CAP2: variants seen among roughly 807,000 people sequenced by gnomAD.
CAP2 encodes cyclase associated actin cytoskeleton regulatory protein 2.
In CAP2, 24 loss-of-function variants were observed where a neutral mutation model predicts 57.7. The observed-to-expected ratio is 0.42, with a 90% confidence interval of 0.30 to 0.58. CAP2 has a LOEUF of 0.58. CAP2 is among the 20% of genes least tolerant of loss of function. The pLI, the probability that CAP2 is intolerant of heterozygous loss-of-function variation, is 0.22. For synonymous variants in CAP2, 194 were observed against 207.2 expected, an observed-to-expected ratio of 0.94 and a Z score of 0.55; for missense variants, 501 against 590.3, an observed-to-expected ratio of 0.85 and a Z score of 1.57.
intron 1 of CAP2, among the ~76,000 whole-genome samples, chr6:17,406,395 TTTC>T (rs1453924791): frequency 7.2e-6 from 1 of 138,504 alleles, no homozygotes; most frequent in Non-Finnish European, 1.5e-5. Flanking sequence ...TAAGCCCAGA[TTTC>T]TTTTTTTTTT....
intron 6 of CAP2, among the ~76,000 whole-genome samples, chr6:17,511,336 A>G (rs1001592448): frequency 3.3e-5 from 5 of 152,162 alleles, no homozygotes; most frequent in Non-Finnish European, 7.3e-5. Flanking sequence ...GTAGGACCGT[A>G]GGTAGAGGAG....
chr6:17,417,498 C>T (rs1452647619), intron 1 of CAP2, among the ~76,000 whole-genome samples: 1 of 152,184 alleles, frequency 6.6e-6, no homozygotes, highest in African/African-American at 2.4e-5. Context: ...TGGTCTAGAA[C>T]TCTTGGGATC....
intron 4 of CAP2, among the ~76,000 whole-genome samples, chr6:17,489,333 G>A (rs1761494795): frequency 6.6e-6 from 1 of 152,236 alleles, no homozygotes; most frequent in Admixed American, 6.5e-5. Context: ...TCAGGAGGCT[G>A]AGGCAGGAGA....
intron 3 of CAP2, among the ~76,000 whole-genome samples, chr6:17,436,703 C>CG (rs1232924601): frequency 3.9e-5 from 6 of 152,056 alleles, no homozygotes; most frequent in Admixed American, 3.9e-4. Flanking sequence ...CTCAAGCCTT[C>CG]CACTGACTGA....
At chr6:17,422,956 G>A (rs1759486357) in intron 2 of CAP2, among the ~76,000 whole-genome samples, 1 of 152,156 alleles carries the variant, frequency 6.6e-6, no homozygotes, top group Non-Finnish European at 1.5e-5. Context: ...GCTATACTGC[G>A]TGTTATGCAC....
intron 12 of CAP2, among the ~76,000 whole-genome samples, chr6:17,553,376 TA>T (rs11354914): frequency 0.92 from 140,748 of 152,228 alleles, 65,302 homozygotes; most frequent in Middle Eastern, 0.98. Flanking sequence ...CTCACGCCTG[TA>T]AATGCCAGCA....
intron 4 of CAP2, among the ~76,000 whole-genome samples, chr6:17,494,466 T>A (rs1202714631): frequency 6.6e-6 from 1 of 152,134 alleles, no homozygotes. Context: ...CCTCCAGATG[T>A]CTACATGGCT....
chr6:17,513,772 C>A lies in CAP2; in HGVS notation c.531-77C>A. ...CCAGGGCCCCTAGTCACTAGATAACCATGTGCCCCCACAATTTTTTTAAAA... is the reference window on the plus strand; with the variant it reads ...CCAGGGCCCCTAGTCACTAGATAACAATGTGCCCCCACAATTTTTTTAAAA... On this transcript the variant is annotated intron_variant, in intron 6 of 12. Transcript: ENST00000229922. The surrounding 1 kb of genome is among the most constrained non-coding windows in gnomAD (Gnocchi z 4.3). 2 of 950,252 alleles carry A rather than the reference C, an allele frequency of 2.1e-6. No homozygotes were observed. The highest frequency in any genetic ancestry group is 2.1e-4 in the Middle Eastern group (1 of 4,764). The allele number at this position is 950,252 out of a possible 1,614,324, so 58.9% of individuals were successfully genotyped here. A position where few individuals can be genotyped will look rare whatever the true frequency, so the allele number is the denominator to read the frequency against.
intron 3 of CAP2, among the ~76,000 whole-genome samples, chr6:17,429,347 T>C (rs145367117): frequency 4.6e-5 from 7 of 152,350 alleles, no homozygotes; most frequent in East Asian, 3.9e-4. Flanking sequence ...AACATTAGGC[T>C]TCTGAGGTAC....
intron 3 of CAP2, among the ~76,000 whole-genome samples, chr6:17,434,547 A>G: frequency 6.6e-6 from 1 of 152,146 alleles, no homozygotes; most frequent in East Asian, 1.9e-4. Context: ...TTTTTTGAGT[A>G]AATGTTTGCA....
intron 4 of CAP2, among the ~76,000 whole-genome samples, chr6:17,477,859 T>C (rs1761189493): frequency 6.6e-6 from 1 of 151,994 alleles, no homozygotes; most frequent in Admixed American, 6.6e-5. Context: ...TAACTGTTAG[T>C]TTCTTCTTAA....
intron 7 of CAP2, among the ~76,000 whole-genome samples, chr6:17,529,014 GA>G (rs1157651901): frequency 2.0e-5 from 3 of 151,630 alleles, no homozygotes; most frequent in African/African-American, 7.3e-5. Context: ...CCAGGAGTTT[GA>G]AACCAGCCTG....
intron 3 of CAP2, among the ~76,000 whole-genome samples, chr6:17,455,552 T>C (rs574842478): frequency 3.3e-5 from 5 of 152,112 alleles, no homozygotes; most frequent in South Asian, 2.1e-4. Context: ...TTTTTTTTTT[T>C]TGAGACAGAG....
rs148458847 is a variant in CAP2 at position 17,528,189 on chromosome 6, C to T, written c.637-11080C>T. On this transcript the variant is annotated intron_variant, in intron 7 of 12. Coordinates refer to ENST00000229922, the MANE Select transcript of CAP2 (RefSeq NM_006366.3). ...AATGTAAGTGTTCTGAACACGTTTA[C>T]GTTAGCCTAGGCTAAGCCACGAGGT... Among the ~76,000 whole-genome samples, 41 of 152,296 alleles carry T rather than the reference C, an allele frequency of 2.7e-4. No individual in the cohort carries two copies. The South Asian group carries it at 7.2e-3, about 27-fold the overall frequency.
At chr6:17,395,735 G>A (rs1758649068) in intron 1 of CAP2, among the ~76,000 whole-genome samples, 1 of 152,032 alleles carries the variant, frequency 6.6e-6, no homozygotes, top group African/African-American at 2.4e-5. Context: ...AATTTATTAT[G>A]TAACATTTTA....
chr6:17,520,117 TG>T (rs1261950690), intron 7 of CAP2, among the ~76,000 whole-genome samples: 3 of 150,612 alleles, frequency 2.0e-5, no homozygotes, highest in East Asian at 3.9e-4. Context: ...TGTTTTGTTT[TG>T]TTTTTTTGAT....
intron 7 of CAP2, among the ~76,000 whole-genome samples, chr6:17,522,999 G>A (rs1762424642): frequency 6.6e-6 from 1 of 152,140 alleles, no homozygotes; most frequent in Non-Finnish European, 1.5e-5. Flanking sequence ...CTCCCAAAGT[G>A]CTGGGATTAC....
At chr6:17,427,657 A>G (rs1759628037) in intron 3 of CAP2, among the ~76,000 whole-genome samples, 1 of 152,018 alleles carries the variant, frequency 6.6e-6, no homozygotes, top group Non-Finnish European at 1.5e-5. Context: ...TTTCACTTCT[A>G]TGTATATCCC....
chr6:17,540,756 A>AAAC (rs376461452), intron 8 of CAP2, among the ~76,000 whole-genome samples: 50 of 152,098 alleles, frequency 3.3e-4, no homozygotes, highest in African/African-American at 9.4e-4. Context: ...TCCATTTAAA[A>AAAC]AACAACAACA....
Sources: allele counts gnomAD v4.1 joint callset (sites outside exome capture counted in the v4.1 genomes callset), GRCh38; gene constraint gnomAD v4.1.1; non-coding constraint Gnocchi (gnomAD v3.1); transcripts MANE v1.5; gene names NCBI Gene and HGNC (gene_info 2026-07-23, HGNC 2026-07-21).